Variants in G2E3 observed in about 807,000 individuals in gnomAD.
G2E3 encodes the protein G2/M-phase specific E3 ubiquitin protein ligase.
A neutral mutation model predicts 92.8 loss-of-function variants in G2E3; 35 were observed. That is an observed-to-expected ratio of 0.38 (90% CI 0.29 to 0.50). The LOEUF is 0.50. Ranked by LOEUF, G2E3 falls within the 20% of genes least tolerant of loss-of-function variation. G2E3 has a pLI of 0.94. For missense variants in G2E3, 554 were observed against 823.8 expected (o/e 0.67, Z 4.01); for synonymous variants, 242 against 272.4 (o/e 0.89, Z 1.10).
At chr14:30,607,784 A>AT (rs1881900524) in intron 11 of G2E3, 104 bp from the exon 12 acceptor site, 1 of 561,870 alleles carries the variant, frequency 1.8e-6, no homozygotes, top group East Asian at 3.1e-5. Flanking sequence ...TAAGAATTAT[A>AT]TTTATCTAAT....
chr14:30,581,076 T>TA lies in G2E3; in HGVS notation c.1dup, dbSNP rs1880405300. 6.9e-7 allele frequency: 1 copy of TA among 1,459,060 alleles called. No individual in the cohort carries two copies. Among genetic ancestry groups the TA allele is most frequent in the Non-Finnish European group, 9.6e-7 (1 of 1,041,388 alleles). The allele number at this position is 1,459,060 out of a possible 1,614,324, so 90.4% of individuals were successfully genotyped here. ...ACTGTATTAATGTTATTTTTCCTAG[T>TA]AAAATGAATGAAAGTAAACCTGGTG... On this transcript the variant is annotated splice_region_variant and 5_prime_UTR_variant, in exon 2 of 15. Transcript: ENST00000206595.
intron 4 of G2E3, 80 bp downstream of exon 4, chr14:30,589,564 T>G (rs1880893715): frequency 6.8e-6 from 5 of 730,370 alleles, no homozygotes; most frequent in Non-Finnish European, 1.2e-5. Context: ...GTTTCTGTAC[T>G]AGAAATTTAT....
intron 10 of G2E3, among the ~76,000 whole-genome samples, chr14:30,604,912 A>T (rs377168711): frequency 6.6e-6 from 1 of 151,606 alleles, no homozygotes; most frequent in East Asian, 1.9e-4. Flanking sequence ...TCATTCATTT[A>T]TGAGACGGAG....
intron 10 of G2E3, among the ~76,000 whole-genome samples, chr14:30,602,545 A>G (rs1881621134): frequency 6.6e-6 from 1 of 152,190 alleles, no homozygotes; most frequent in Admixed American, 6.6e-5. Context: ...CAGGAAAGTA[A>G]AATATCAAGC....
At chr14:30,602,364 G>A (rs1413681461) in intron 10 of G2E3, among the ~76,000 whole-genome samples, 1 of 46,458 alleles carries the variant, frequency 2.2e-5, no homozygotes, top group Non-Finnish European at 3.2e-5. Context: ...TGGGAAAAGT[G>A]TATCTATCCT....
At chr14:30,571,034 C>T (rs1461434618) in intron 1 of G2E3, among the ~76,000 whole-genome samples, 2 of 152,020 alleles carry the variant, frequency 1.3e-5, no homozygotes, top group Admixed American at 6.6e-5. Context: ...AGAAATCTTA[C>T]GTAACATAAG....
At chr14:30,586,089 C>G (rs1421778981) in intron 2 of G2E3, among the ~76,000 whole-genome samples, 2 of 152,152 alleles carry the variant, frequency 1.3e-5, no homozygotes, top group South Asian at 2.1e-4. Context: ...TGTTTTTTGA[C>G]AAACAGCAGA....
At position 30,619,596 on chromosome 14, in the gene G2E3, A is replaced by G. The variant is rs1263139827; in HGVS notation, c.*3062A>G. The G allele has an allele frequency of 2.6e-5, 4 of 152,166 alleles. No homozygotes were observed. The highest frequency in any genetic ancestry group is 2.6e-4 in the Admixed American group (4 of 15,290). 9.4% of individuals were successfully genotyped at this position (152,166 alleles called of 1,614,324 possible). A position where few individuals can be genotyped will look rare whatever the true frequency, so the allele number is the denominator to read the frequency against. ...ATGATGAATTACTTGAATGTATATT[A>G]TCTGTGGTTTAGGAAAATTTGGATT... On this transcript the variant is annotated 3_prime_UTR_variant, in exon 15 of 15. Transcript: ENST00000206595.
intron 2 of G2E3, among the ~76,000 whole-genome samples, chr14:30,583,582 A>G (rs958937494): frequency 6.6e-6 from 1 of 152,254 alleles, no homozygotes; most frequent in African/African-American, 2.4e-5. Context: ...AATAAGTTCA[A>G]GAGATCTGTT....
chr14:30,614,513 A>C (rs1262628546), intron 13 of G2E3, among the ~76,000 whole-genome samples: 1 of 152,206 alleles, frequency 6.6e-6, no homozygotes, highest in African/African-American at 2.4e-5. Flanking sequence ...ATATTAATCC[A>C]TTTATGAGGG....
At position 30,612,394 on chromosome 14, in the gene G2E3, T is replaced by C. The variant is rs748807585; in HGVS notation, c.1673+15T>C. ...CCCTTTGAAAGGTAAGTTGTTTCTA[T>C]TAATATATGGCTCTTTCAAATTACA... is the stretch of plus-strand genomic sequence containing the variant. On this transcript the variant is annotated intron_variant, in intron 13 of 14. Transcript: ENST00000206595. The C allele has an allele frequency of 6.7e-6, 10 of 1,485,710 alleles. No homozygotes were observed. The highest frequency in any genetic ancestry group is 9.2e-6 in the Non-Finnish European group (10 of 1,092,504). The allele number at this position is 1,485,710 out of a possible 1,614,324, so 92.0% of individuals were successfully genotyped here.
intron 13 of G2E3, among the ~76,000 whole-genome samples, chr14:30,613,492 A>C (rs1191327780): frequency 6.6e-6 from 1 of 152,140 alleles, no homozygotes; most frequent in South Asian, 2.1e-4. Context: ...CTTTTTTGCT[A>C]TATGGTATCA....
intron 12 of G2E3, among the ~76,000 whole-genome samples, chr14:30,609,043 A>G (rs538034491): frequency 2.6e-5 from 4 of 152,306 alleles, no homozygotes; most frequent in African/African-American, 7.2e-5. Flanking sequence ...TATAACTACT[A>G]TATGTTGTGT....
At chr14:30,566,695 T>G (rs1879460098) in intron 1 of G2E3, among the ~76,000 whole-genome samples, 1 of 152,208 alleles carries the variant, frequency 6.6e-6, no homozygotes, top group African/African-American at 2.4e-5. Flanking sequence ...CTTCTTGCTT[T>G]CTTGCTTTAT....
At chr14:30,599,039 A>T (rs1239135907) in intron 8 of G2E3, among the ~76,000 whole-genome samples, 1 of 152,108 alleles carries the variant, frequency 6.6e-6, no homozygotes, top group Non-Finnish European at 1.5e-5. Flanking sequence ...CAAGTTATTG[A>T]CAGGTTTGGT....
At chr14:30,600,988 G>A (rs1051168430) in intron 8 of G2E3, among the ~76,000 whole-genome samples, 2 of 152,118 alleles carry the variant, frequency 1.3e-5, no homozygotes, top group Admixed American at 6.6e-5. Flanking sequence ...TTCTTCCTCC[G>A]CACTGTTGTC....
chr14:30,600,470 C>T (rs1180121392), intron 8 of G2E3, among the ~76,000 whole-genome samples: 1 of 152,018 alleles, frequency 6.6e-6, no homozygotes, highest in African/African-American at 2.4e-5. Flanking sequence ...TCGTTAACAC[C>T]AATAATATCT....
At chr14:30,599,337 C>A (rs1258131312) in intron 8 of G2E3, among the ~76,000 whole-genome samples, 2 of 152,182 alleles carry the variant, frequency 1.3e-5, no homozygotes, top group African/African-American at 4.8e-5. Flanking sequence ...AAGCAGTTCT[C>A]CTGCCTCAGC....
At position 30,616,695 on chromosome 14, in the gene G2E3, T is replaced by TA. The variant is rs1479715966; in HGVS notation, c.*168dup. The TA allele has an allele frequency of 2.0e-5, 11 of 542,864 alleles. No homozygotes were observed. The South Asian group carries it at 2.7e-4, about 13-fold the overall frequency. The allele number at this position is 542,864 out of a possible 1,614,324, so 33.6% of individuals were successfully genotyped here. Reference sequence around the variant, plus strand: ...AAAGGAATATTATAGCCACTTAGGCTAAAAAAAGGTTTTTTTTGTTAAAGC... The same window carrying TA: ...AAAGGAATATTATAGCCACTTAGGCTAAAAAAAAGGTTTTTTTTGTTAAAGC... On this transcript the variant is annotated 3_prime_UTR_variant, in exon 15 of 15. Transcript: ENST00000206595.
Sources: gnomAD v4.1 joint callset for allele counts (sites outside exome capture counted in the v4.1 genomes callset) on GRCh38, gnomAD v4.1.1 for gene constraint, MANE v1.5 for transcripts, NCBI Gene and HGNC (gene_info 2026-07-23, HGNC 2026-07-21) for gene names.